The following ATG14 variants were observed in gnomAD, a reference collection of about 807,000 sequenced individuals.
ATG14 encodes the protein autophagy related 14.
In ATG14, 35 loss-of-function variants were observed where a neutral mutation model predicts 60.4. The ratio of observed to expected loss-of-function variants is 0.58; its 90% confidence interval spans 0.44 to 0.77. The LOEUF (loss-of-function observed/expected upper bound fraction) is 0.77. Among genes scored for constraint, ATG14 ranks in the 30% least tolerant of loss-of-function variants. The probability of loss-of-function intolerance (pLI) is 0.00; values close to 1 mark genes in which losing one functional copy is unlikely to be tolerated. For missense variants in ATG14, 647 were observed against 626.3 expected (o/e 1.03, Z -0.35); for synonymous variants, 234 against 228.8 (o/e 1.02, Z -0.21).
chr14:55,377,870 G>C lies in ATG14; in HGVS notation c.1121C>G (p.Thr374Ser), dbSNP rs780490392. Residue 374 changes from threonine (T) to serine (S), a missense_variant, in exon 9 of 10, where the codon ACC (threonine) becomes AGC (serine). By Grantham distance (58) the Thr-to-Ser change is moderately conservative. Coordinates refer to ENST00000247178, the MANE Select transcript of ATG14 (RefSeq NM_014924.5). ...GACCAGGTACATTAGATTCCTGAGG[G>C]TATGCAGTGGTTGTAATTGATCTAA... ...VNLDQLQPLH[T>S]LRNLMYLVSP... 1 of 1,606,110 alleles carries C rather than the reference G, an allele frequency of 6.2e-7. No homozygotes were observed. The highest frequency in any genetic ancestry group is 1.7e-5 in the Admixed American group (1 of 58,012).
In ATG14 at chr14:55,411,488, G is replaced by C. The variant is rs1450389464; in HGVS notation, c.221+114C>G. 9.7e-6 allele frequency: 10 copies of C among 1,034,444 alleles called. No individual in the cohort carries two copies. The Admixed American group carries it at 2.2e-4, about 23-fold the overall frequency. 64.1% of individuals were successfully genotyped at this position (1,034,444 alleles called of 1,614,324 possible). A position where few individuals can be genotyped will look rare whatever the true frequency, so the allele number is the denominator to read the frequency against. On this transcript the variant is annotated intron_variant, in intron 1 of 9. Coordinates refer to ENST00000247178, the MANE Select transcript of ATG14 (RefSeq NM_014924.5). ...CAGCTAGCTACACTCCCTCTCTCTC[G>C]CTCCTCTCGCTGGTATCTGGTGCCC...
At chr14:55,377,694 C>G in intron 9 of ATG14, 125 bp downstream of exon 9, 2 of 576,068 alleles carry the variant, frequency 3.5e-6, no homozygotes, top group Non-Finnish European at 3.0e-6. Flanking sequence ...CTGTATTGGA[C>G]TCCACTATTT....
intron 1 of ATG14, among the ~76,000 whole-genome samples, chr14:55,401,574 G>T (rs752410170): frequency 9.2e-5 from 14 of 151,970 alleles, no homozygotes; most frequent in African/African-American, 3.4e-4. Context: ...GATTTGGGTT[G>T]TTCCCCCCTA....
chr14:55,391,085 C>A, intron 3 of ATG14, 93 bp from the exon 4 acceptor site: 1 of 807,100 alleles, frequency 1.2e-6, no homozygotes, highest in South Asian at 1.7e-5. Flanking sequence ...TCAGATATGT[C>A]AGAAAACATA....
intron 4 of ATG14, among the ~76,000 whole-genome samples, chr14:55,388,492 A>T (rs1316112971): frequency 1.3e-5 from 2 of 152,230 alleles, no homozygotes; most frequent in African/African-American, 4.8e-5. Flanking sequence ...TTCTTTAGAT[A>T]AGTAACTCTG....
chr14:55,370,160 T>G (rs1030357853), intron 9 of ATG14, among the ~76,000 whole-genome samples: 1 of 152,242 alleles, frequency 6.6e-6, no homozygotes, highest in African/African-American at 2.4e-5. Flanking sequence ...CAAGTCTGCC[T>G]ACTTCATTGG....
Position 55,411,829 on chromosome 14 carries a change from C to T in ATG14, c.-7G>A, listed in dbSNP as rs763604862. On this transcript the variant is annotated 5_prime_UTR_variant, in exon 1 of 10. Transcript: ENST00000247178. ...TCCCACTGGGAGACGCCATGATGGCCTGAGAGGAGAGCCAGTCACGTGGGA... is the reference window on the plus strand; with the variant it reads ...TCCCACTGGGAGACGCCATGATGGCTTGAGAGGAGAGCCAGTCACGTGGGA... The T allele has an allele frequency of 1.1e-5, 18 of 1,583,632 alleles. No individual in the cohort carries two copies. The highest frequency in any genetic ancestry group is 1.1e-5 in the South Asian group (1 of 87,590).
chr14:55,378,208 C>T, intron 7 of ATG14, 134 bp from the exon 8 acceptor site: 2 of 676,576 alleles, frequency 3.0e-6, no homozygotes, highest in South Asian at 1.9e-5. Context: ...CACTTAAAGA[C>T]TTTCTAAGAA....
At chr14:55,409,612 C>G (rs941215562) in intron 1 of ATG14, among the ~76,000 whole-genome samples, 3 of 151,358 alleles carry the variant, frequency 2.0e-5, no homozygotes, top group African/African-American at 7.3e-5. Flanking sequence ...AGAAAGAGTT[C>G]CTGGCTGTCT....
rs371768092 is a variant in ATG14, at chr14:55,385,707, C to T, written c.647+152G>A. On this transcript the variant is annotated intron_variant, in intron 5 of 9. Transcript: ENST00000247178. ...GCTGCCTCCCCAGCTTTCTGCGGTG[C>T]GTACTGTTTGTTGAAACAGATAAGA... 1.5e-5 allele frequency: 11 copies of T among 739,520 alleles called. No individual in the cohort carries two copies. The South Asian group carries it at 2.0e-4, about 13-fold the overall frequency. The allele number at this position is 739,520 out of a possible 1,614,324, so 45.8% of individuals were successfully genotyped here. A position where few individuals can be genotyped will look rare whatever the true frequency, so the allele number is the denominator to read the frequency against.
intron 7 of ATG14, 29 bp from the exon 8 acceptor site, chr14:55,378,103 T>C (rs369860269): frequency 3.1e-6 from 5 of 1,589,282 alleles, no homozygotes; most frequent in Middle Eastern, 3.4e-4. Flanking sequence ...ATTTATAAAG[T>C]TGCATTTTTT....
intron 9 of ATG14, among the ~76,000 whole-genome samples, chr14:55,371,533 G>A (rs562048236): frequency 1.3e-5 from 2 of 152,148 alleles, no homozygotes; most frequent in Admixed American, 6.5e-5. Context: ...CAGGCCGGGC[G>A]CGGTGGCTCA....
intron 1 of ATG14, 87 bp downstream of exon 1, chr14:55,411,515 G>T: frequency 7.6e-7 from 1 of 1,320,312 alleles, no homozygotes; most frequent in Non-Finnish European, 1.0e-6. Context: ...CTGGTGCCCG[G>T]ACGGGGAGCC....
At chr14:55,393,918 T>C (rs1885267665) in intron 3 of ATG14, among the ~76,000 whole-genome samples, 1 of 152,058 alleles carries the variant, frequency 6.6e-6, no homozygotes, top group African/African-American at 2.4e-5. Flanking sequence ...TAGTTTATTA[T>C]TTTTTTCCAT....
chr14:55,411,444 G>C (rs1885570108), intron 1 of ATG14, among the ~76,000 whole-genome samples, 158 bp downstream of exon 1: 1 of 152,236 alleles, frequency 6.6e-6, no homozygotes, highest in South Asian at 2.1e-4. Context: ...TCCTCTGGTA[G>C]CAAAGCTCCG....
intron 7 of ATG14, 86 bp from the exon 8 acceptor site, chr14:55,378,160 AAC>A (rs1884956661): frequency 1.8e-6 from 2 of 1,110,282 alleles, no homozygotes; most frequent in African/African-American, 3.1e-5. Context: ...AATTAGGTAT[AAC>A]ACATACTCTG....
chr14:55,393,384 C>CA (rs1346845791), intron 3 of ATG14, among the ~76,000 whole-genome samples: 4 of 136,796 alleles, frequency 2.9e-5, no homozygotes, highest in African/African-American at 5.5e-5. Flanking sequence ...GACTCTGTCT[C>CA]AAAAAAAAGA....
chr14:55,402,970 A>ATATAT lies in ATG14; in HGVS notation c.222-5537_222-5536insATATA, dbSNP rs1566585833. ...ATATATATATATATATATATATATA[A>ATATAT]ATAGCTGGGCATAGTGGTGCATGGC... On this transcript the variant is annotated intron_variant, in intron 1 of 9. Transcript: ENST00000247178. Among the ~76,000 whole-genome samples the ATATAT allele has an allele frequency of 1.5e-3, 104 of 69,458 alleles. 5 individuals carry two copies. Among genetic ancestry groups the ATATAT allele is most frequent in the Non-Finnish European group, 2.7e-3 (90 of 33,792 alleles). 45.6% of individuals were successfully genotyped at this position (69,458 alleles called of 152,430 possible).
chr14:55,391,471 T>TA (rs746307684), intron 3 of ATG14, among the ~76,000 whole-genome samples: 12,957 of 75,882 alleles, frequency 0.17, 1,790 homozygotes, highest in African/African-American at 0.41. Flanking sequence ...TGAGACTCCA[T>TA]AAAAAAAAAA....
Sources: gnomAD v4.1 joint callset for allele counts (sites outside exome capture counted in the v4.1 genomes callset) on GRCh38, gnomAD v4.1.1 for gene constraint, MANE v1.5 for transcripts, NCBI Gene and HGNC (gene_info 2026-07-23, HGNC 2026-07-21) for gene names.